PDGFD: variants seen among roughly 807,000 people sequenced by gnomAD.
The protein encoded by PDGFD is platelet-derived growth factor D.
In PDGFD, 30 loss-of-function variants were observed where a neutral mutation model predicts 44.7. That is an observed-to-expected ratio of 0.67 (90% CI 0.50 to 0.91). PDGFD has a LOEUF of 0.91. Ranked by LOEUF, PDGFD falls within the 40% of genes least tolerant of loss-of-function variation. PDGFD has a pLI of 0.00. For synonymous variants in PDGFD, 173 were observed against 168.4 expected, an observed-to-expected ratio of 1.03 and a Z score of -0.21; for missense variants, 445 against 457.8, an observed-to-expected ratio of 0.97 and a Z score of 0.25.
chr11:104,107,034 C>T (rs913753318), intron 1 of PDGFD, among the ~76,000 whole-genome samples: 2 of 152,094 alleles, frequency 1.3e-5, no homozygotes, highest in South Asian at 2.1e-4. Context: ...CGTGAGCTAC[C>T]ACGCCCGGCC....
At chr11:103,956,035 TCTGATTTCTTCAGA>T (rs1184287096) in intron 3 of PDGFD, among the ~76,000 whole-genome samples, 1 of 151,828 alleles carries the variant, frequency 6.6e-6, no homozygotes, top group African/African-American at 2.4e-5. Flanking sequence ...CTTGTTAGTT[TCTGATTTCTTCAGA>T]CTGAACTTAG....
In PDGFD at chr11:103,927,026, G is replaced by C. The variant is rs764717628; in HGVS notation, c.873C>G (p.Val291=). The C allele has an allele frequency of 6.2e-7, 1 of 1,614,176 alleles. No individual in the cohort carries two copies. ...IREELKLANV[V]FFPRCLLVQR... ...GCACGAGGAGGCAACGTGGAAAGAA[G>C]ACCACATTGGCCAACTTCAGCTCTT... is the stretch of plus-strand genomic sequence containing the variant. Residue 291 remains valine (V), a synonymous_variant, in exon 6 of 7, where the codon GTC becomes GTG. Coordinates refer to ENST00000393158, the MANE Select transcript of PDGFD (RefSeq NM_025208.5).
At chr11:103,975,656 T>G (rs1047793341) in intron 3 of PDGFD, among the ~76,000 whole-genome samples, 6 of 152,182 alleles carry the variant, frequency 3.9e-5, no homozygotes, top group Admixed American at 1.3e-4. Context: ...TAACCCATCT[T>G]GAGTTAATTT....
intron 1 of PDGFD, among the ~76,000 whole-genome samples, chr11:104,151,131 G>T (rs190826426): frequency 1.3e-5 from 2 of 150,920 alleles, no homozygotes; most frequent in Non-Finnish European, 3.0e-5. Context: ...TAGAAAGCTC[G>T]CTCTCTCTCT....
rs138352725 is a variant in PDGFD at position 104,036,945 on chromosome 11, C to T, written c.125-36690G>A. ...TCTGCGAAGCGGAGTCCAGAGTCCC[C>T]GTCGAAGAGATCCAGATCATCCACA... On this transcript the variant is annotated intron_variant, in intron 1 of 6. Coordinates refer to ENST00000393158, the MANE Select transcript of PDGFD (RefSeq NM_025208.5). 2,309 of 1,614,198 alleles carry T rather than the reference C, an allele frequency of 1.4e-3. 37 individuals are homozygous for T. In the Admixed American group the frequency reaches 0.025, roughly 17 times the overall value.
chr11:104,071,558 G>C (rs1860877723), intron 1 of PDGFD, among the ~76,000 whole-genome samples: 1 of 151,426 alleles, frequency 6.6e-6, no homozygotes, highest in Non-Finnish European at 1.5e-5. Context: ...GTATCCCTTT[G>C]TCTATTATAA....
intron 1 of PDGFD, among the ~76,000 whole-genome samples, chr11:104,050,185 C>G (rs35982603): frequency 0.26 from 39,376 of 151,916 alleles, 5,546 homozygotes; most frequent in East Asian, 0.34. Flanking sequence ...ACTGGGCTCT[C>G]GGCAGGAGCA....
At chr11:103,981,949 C>T (rs1859278661) in intron 3 of PDGFD, among the ~76,000 whole-genome samples, 1 of 151,774 alleles carries the variant, frequency 6.6e-6, no homozygotes, top group Admixed American at 6.6e-5. Context: ...ATTGGTGCAA[C>T]TATATGCCTC....
At chr11:104,072,481 C>T (rs997760733) in intron 1 of PDGFD, among the ~76,000 whole-genome samples, 1 of 151,650 alleles carries the variant, frequency 6.6e-6, no homozygotes, top group Non-Finnish European at 1.5e-5. Flanking sequence ...TTTATCATTG[C>T]TTCTGTAAGG....
chr11:104,026,829 G>A (rs1303906417), intron 1 of PDGFD, among the ~76,000 whole-genome samples: 1 of 152,112 alleles, frequency 6.6e-6, no homozygotes, highest in Admixed American at 6.5e-5. Context: ...CTCTTTCATT[G>A]TTCCATCCAA....
At chr11:104,100,248 T>C (rs1033589003) in intron 1 of PDGFD, among the ~76,000 whole-genome samples, 8 of 151,940 alleles carry the variant, frequency 5.3e-5, no homozygotes, top group African/African-American at 1.7e-4. Flanking sequence ...TGAAGAAGAA[T>C]CAAATAGACG....
chr11:104,040,516 A>G (rs1860330012), intron 1 of PDGFD, among the ~76,000 whole-genome samples: 1 of 152,038 alleles, frequency 6.6e-6, no homozygotes, highest in East Asian at 1.9e-4. Flanking sequence ...TAAATTTTAA[A>G]TGGATTAGTT....
intron 3 of PDGFD, among the ~76,000 whole-genome samples, chr11:103,995,640 A>T (rs1217761477): frequency 6.6e-6 from 1 of 152,258 alleles, no homozygotes; most frequent in Non-Finnish European, 1.5e-5. Flanking sequence ...AATTATAATC[A>T]TCAGGACTTT....
Position 103,907,401 on chromosome 11 carries a change from G to A in PDGFD, c.*2293C>T, listed in dbSNP as rs886554947. ...CCATGCGGAAATGTGGATTTATTAG[G>A]GTTTGTTTTGAAATGTAATTTGTAC... On this transcript the variant is annotated 3_prime_UTR_variant, in exon 7 of 7. Coordinates refer to ENST00000393158, the MANE Select transcript of PDGFD (RefSeq NM_025208.5). 4 of 152,100 alleles carry A rather than the reference G, an allele frequency of 2.6e-5. No homozygotes were observed. The highest frequency in any genetic ancestry group is 9.7e-5 in the African/African-American group (4 of 41,424). The allele number at this position is 152,100 out of a possible 1,614,324, so 9.4% of individuals were successfully genotyped here.
chr11:104,144,313 C>T (rs1016784474), intron 1 of PDGFD, among the ~76,000 whole-genome samples: 1 of 151,908 alleles, frequency 6.6e-6, no homozygotes, highest in Non-Finnish European at 1.5e-5. Context: ...TAGAGACTAG[C>T]TTGGTCAACA....
intron 5 of PDGFD, among the ~76,000 whole-genome samples, chr11:103,942,503 C>T (rs777526291): frequency 9.9e-5 from 15 of 152,168 alleles, no homozygotes; most frequent in Middle Eastern, 3.4e-3. Flanking sequence ...ATGTTCCTCT[C>T]GGTTCTCCCC....
At chr11:104,102,805 A>G (rs1861410742) in intron 1 of PDGFD, among the ~76,000 whole-genome samples, 1 of 152,150 alleles carries the variant, frequency 6.6e-6, no homozygotes, top group Non-Finnish European at 1.5e-5. Context: ...GGAAACCATC[A>G]TTCTCAGCAA....
chr11:104,112,555 T>C (rs1384415975), intron 1 of PDGFD, among the ~76,000 whole-genome samples: 3 of 152,110 alleles, frequency 2.0e-5, no homozygotes, highest in Non-Finnish European at 2.9e-5. Context: ...TCTTCTGTTA[T>C]AAAGACACAT....
At chr11:104,126,657 C>T (rs572724757) in intron 1 of PDGFD, among the ~76,000 whole-genome samples, 5 of 152,188 alleles carry the variant, frequency 3.3e-5, no homozygotes, top group Admixed American at 3.3e-4. Flanking sequence ...AGCATATCTA[C>T]ATAATGTGAC....
Sources: gnomAD v4.1 joint callset for allele counts (sites outside exome capture counted in the v4.1 genomes callset) on GRCh38, gnomAD v4.1.1 for gene constraint, MANE v1.5 for transcripts, NCBI Gene and HGNC (gene_info 2026-07-23, HGNC 2026-07-21) for gene names.